Variants in SLC25A26 observed in about 807,000 individuals in gnomAD.
SLC25A26 encodes the protein solute carrier family 25 member 26.
SLC25A26 carries 36 observed loss-of-function variants against 37.8 expected under a neutral mutation model. The ratio of observed to expected loss-of-function variants is 0.95; its 90% confidence interval spans 0.73 to 1.26. SLC25A26 has a LOEUF of 1.26. Ranked by LOEUF, SLC25A26 falls within the 50% of genes most tolerant of loss-of-function variation. The probability of loss-of-function intolerance (pLI) is 0.00; values close to 1 mark genes in which losing one functional copy is unlikely to be tolerated. For missense variants in SLC25A26, 390 were observed against 331.1 expected (o/e 1.18, Z -1.38); for synonymous variants, 129 against 122.5 (o/e 1.05, Z -0.35).
chr3:66,217,711 G>A (rs958673457), upstream of SLC25A26, among the ~76,000 whole-genome samples: 11 of 152,168 alleles, frequency 7.2e-5, no homozygotes, highest in East Asian at 2.1e-3. Context: ...ACCACACTCA[G>A]CTAATTTTTT....
intron 3 of SLC25A26, among the ~76,000 whole-genome samples, chr3:66,260,436 T>C (rs2073480319): frequency 6.6e-6 from 1 of 152,216 alleles, no homozygotes; most frequent in Non-Finnish European, 1.5e-5. Context: ...AATGAAGAAA[T>C]GGAAATCAGA....
chr3:66,312,199 C>T (rs1412426771), intron 5 of SLC25A26, among the ~76,000 whole-genome samples: 1 of 152,178 alleles, frequency 6.6e-6, no homozygotes, highest in Non-Finnish European at 1.5e-5. Flanking sequence ...CCCAGTGAGG[C>T]AGTCTAGAGA....
At chr3:66,345,503 C>A (rs909066818) in intron 5 of SLC25A26, among the ~76,000 whole-genome samples, 1 of 147,284 alleles carries the variant, frequency 6.8e-6, no homozygotes, top group East Asian at 2.1e-4. Context: ...TGCCCCCCTA[C>A]CCTCTACCTC....
chr3:66,241,607 G>A (rs1234073811), intron 2 of SLC25A26, among the ~76,000 whole-genome samples: 2 of 152,170 alleles, frequency 1.3e-5, no homozygotes, highest in African/African-American at 4.8e-5. Context: ...TCAGTGAATG[G>A]GAGATGCTAG....
In SLC25A26 at chr3:66,378,923, A is replaced by G. The variant is rs984883063; in HGVS notation, c.*1116A>G. The G allele has an allele frequency of 6.5e-6, 1 of 152,686 alleles. No individual in the cohort carries two copies. The highest frequency in any genetic ancestry group is 6.5e-5 in the Admixed American group (1 of 15,284). The allele number at this position is 152,686 out of a possible 1,614,324, so 9.5% of individuals were successfully genotyped here. Reference sequence around the variant, plus strand: ...ATAAATAAATAACTTTGTACATAAAAGTAATACTCCCTCTTTCACATTGCC... The same window carrying G: ...ATAAATAAATAACTTTGTACATAAAGGTAATACTCCCTCTTTCACATTGCC... On this transcript the variant is annotated 3_prime_UTR_variant, in exon 10 of 10. Transcript: ENST00000354883.
At chr3:66,264,704 C>T (rs566943296) in intron 5 of SLC25A26, among the ~76,000 whole-genome samples, 118 of 152,162 alleles carry the variant, frequency 7.8e-4, no homozygotes, top group Non-Finnish European at 1.3e-3. Context: ...AATTTTCTTC[C>T]ACAAAACCTG....
At chr3:66,351,345 A>G (rs1033348090) in intron 6 of SLC25A26, among the ~76,000 whole-genome samples, 1 of 152,184 alleles carries the variant, frequency 6.6e-6, no homozygotes, top group African/African-American at 2.4e-5. Context: ...CCATAAAGAG[A>G]TGGGGAAGCA....
intron 5 of SLC25A26, among the ~76,000 whole-genome samples, chr3:66,284,222 A>G (rs1455509775): frequency 6.6e-6 from 1 of 151,830 alleles, no homozygotes; most frequent in Non-Finnish European, 1.5e-5. Context: ...GGTGGTGCAC[A>G]CCCATAGTCC....
chr3:66,337,389 T>C (rs1358765938), intron 5 of SLC25A26, among the ~76,000 whole-genome samples: 2 of 152,092 alleles, frequency 1.3e-5, no homozygotes, highest in East Asian at 3.8e-4. Flanking sequence ...AAATGATTGA[T>C]TAAACAAAAG....
At chr3:66,318,587 T>C (rs1406035442) in intron 5 of SLC25A26, among the ~76,000 whole-genome samples, 1 of 151,996 alleles carries the variant, frequency 6.6e-6, no homozygotes, top group Non-Finnish European at 1.5e-5. Flanking sequence ...TCCTTCTCAG[T>C]GGAAGCCACA....
chr3:66,142,257 T>C (rs1428165557), intron 1 of SLC25A26, among the ~76,000 whole-genome samples: 1 of 152,218 alleles, frequency 6.6e-6, no homozygotes, highest in East Asian at 1.9e-4. Context: ...GTGTCTGGCT[T>C]CTTTCACTTA....
At chr3:66,284,966 G>A (rs1173504848) in intron 5 of SLC25A26, among the ~76,000 whole-genome samples, 2 of 152,204 alleles carry the variant, frequency 1.3e-5, no homozygotes, top group Non-Finnish European at 2.9e-5. Context: ...ATATGGTTTT[G>A]GAGTACAAAC....
intron 1 of SLC25A26, among the ~76,000 whole-genome samples, chr3:66,174,565 G>A (rs1455577984): frequency 6.6e-6 from 1 of 152,144 alleles, no homozygotes; most frequent in Non-Finnish European, 1.5e-5. Flanking sequence ...CGGATCACGA[G>A]GTCAGGAAAT....
intron 5 of SLC25A26, chr3:66,293,228 G>A (rs1056465678): frequency 6.6e-6 from 1 of 151,990 alleles, no homozygotes; most frequent in Admixed American, 6.6e-5. Context: ...CGCGGAAAGC[G>A]TTATTTTTAA....
chr3:66,289,904 T>G (rs1276282666), intron 5 of SLC25A26, among the ~76,000 whole-genome samples: 2 of 152,234 alleles, frequency 1.3e-5, no homozygotes, highest in African/African-American at 4.8e-5. Context: ...TAAATTACTT[T>G]GAGCAGTATG....
rs1400727923 is a variant in SLC25A26, at chr3:66,143,360, A to G, written c.-354+9376A>G. Among the ~76,000 whole-genome samples the G allele has an allele frequency of 6.6e-5, 10 of 152,334 alleles. No individual in the cohort carries two copies. In the East Asian group the frequency reaches 1.5e-3, roughly 23 times the overall value. ...TTATTTTGGGTATATACCTATGAGCAAAATTGCTGGGTCATGTGACAATTC... is the reference window on the plus strand; with the variant it reads ...TTATTTTGGGTATATACCTATGAGCGAAATTGCTGGGTCATGTGACAATTC... On this transcript the variant is annotated intron_variant, in intron 1 of 10. Coordinates refer to the SLC25A26 transcript ENST00000676754.
intron 1 of SLC25A26, among the ~76,000 whole-genome samples, chr3:66,190,312 C>CAAA (rs1221431441): frequency 2.3e-5 from 3 of 132,960 alleles, no homozygotes; most frequent in East Asian, 2.0e-4. Flanking sequence ...GAAACCCTGT[C>CAAA]AAAAAAAAAA....
At chr3:66,294,748 A>C (rs1176359155) in intron 5 of SLC25A26, among the ~76,000 whole-genome samples, 1 of 152,078 alleles carries the variant, frequency 6.6e-6, no homozygotes. Context: ...GCTAGTTAAC[A>C]CTCTGTCTAC....
chr3:66,350,939 C>A (rs553657461), intron 6 of SLC25A26, among the ~76,000 whole-genome samples: 1 of 152,090 alleles, frequency 6.6e-6, no homozygotes, highest in Admixed American at 6.5e-5. Flanking sequence ...ATTGCCCTTA[C>A]CACAGATTTG....
Sources: allele counts gnomAD v4.1 joint callset (sites outside exome capture counted in the v4.1 genomes callset), GRCh38; gene constraint gnomAD v4.1.1; transcripts MANE v1.5; gene names NCBI Gene and HGNC (gene_info 2026-07-23, HGNC 2026-07-21).